Variants in MTF2 observed in about 807,000 individuals in gnomAD.
MTF2 encodes the protein metal response element binding transcription factor 2.
In MTF2, 11 loss-of-function variants were observed where a neutral mutation model predicts 79.5. That is an observed-to-expected ratio of 0.14 (90% CI 0.09 to 0.23). MTF2 has a LOEUF of 0.23. Among genes scored for constraint, MTF2 ranks in the 10% least tolerant of loss-of-function variants. The pLI is 1.00. For missense variants in MTF2, 486 were observed against 711.2 expected, an observed-to-expected ratio of 0.68 and a Z score of 3.60; for synonymous variants, 208 against 232.8, an observed-to-expected ratio of 0.89 and a Z score of 0.97.
At chr1:93,087,326 C>A (rs1210899575) in intron 1 of MTF2, among the ~76,000 whole-genome samples, 1 of 152,130 alleles carries the variant, frequency 6.6e-6, no homozygotes, top group Non-Finnish European at 1.5e-5. Flanking sequence ...AATCCCAGCA[C>A]TTTGGGAGGC....
intron 1 of MTF2, among the ~76,000 whole-genome samples, chr1:93,103,980 C>T (rs933488020): frequency 8.6e-5 from 13 of 152,028 alleles, no homozygotes; most frequent in African/African-American, 1.2e-4. Flanking sequence ...TACAGGTTGT[C>T]TAGGCTGGAG....
chr1:93,113,106 G>A (rs1264845937), intron 3 of MTF2, among the ~76,000 whole-genome samples: 6 of 151,996 alleles, frequency 3.9e-5, no homozygotes, highest in African/African-American at 7.3e-5. Context: ...ACAGCTGGGC[G>A]CAGTGCCTTA....
chr1:93,088,349 CCTTT>C (rs1334848966), intron 1 of MTF2, among the ~76,000 whole-genome samples: 3 of 151,932 alleles, frequency 2.0e-5, no homozygotes, highest in African/African-American at 7.3e-5. Context: ...CTGTAGTTAA[CCTTT>C]CTTTATTATT....
intron 9 of MTF2, among the ~76,000 whole-genome samples, chr1:93,123,715 C>T (rs1656578291): frequency 6.6e-6 from 1 of 150,852 alleles, no homozygotes; most frequent in East Asian, 1.9e-4. Flanking sequence ...TAATTACTTG[C>T]TGTAATCTTA....
At chr1:93,104,697 TAGATAA>T (rs1298416870) in intron 1 of MTF2, among the ~76,000 whole-genome samples, 1 of 134,232 alleles carries the variant, frequency 7.4e-6, no homozygotes, top group Non-Finnish European at 1.6e-5. Context: ...AAAAAAAAAG[TAGATAA>T]AGATGAAAAG....
intron 1 of MTF2, among the ~76,000 whole-genome samples, chr1:93,094,458 A>G (rs548751): frequency 0.8 from 122,012 of 152,118 alleles, 51,661 homozygotes; most frequent in East Asian, 0.93. Flanking sequence ...AGTTTAATTT[A>G]CTAGTTTTAA....
intron 1 of MTF2, among the ~76,000 whole-genome samples, chr1:93,089,037 C>T (rs1654966951): frequency 6.6e-6 from 1 of 151,988 alleles, no homozygotes; most frequent in Non-Finnish European, 1.5e-5. Context: ...AAAATATTTT[C>T]TGTAATTTCA....
At chr1:93,121,588 A>C in intron 9 of MTF2, 3 of 977,468 alleles carry the variant, frequency 3.1e-6, no homozygotes, top group Non-Finnish European at 3.6e-6. Flanking sequence ...GGTTTATGGG[A>C]TATCAGGGAG....
intron 8 of MTF2, 100 bp downstream of exon 8, chr1:93,119,501 GT>G: frequency 1.2e-6 from 1 of 825,124 alleles, no homozygotes; most frequent in Non-Finnish European, 1.9e-6. Context: ...GTAAAAATAG[GT>G]TATTTATGCT....
At chr1:93,110,989 G>A (rs901313251) in intron 3 of MTF2, among the ~76,000 whole-genome samples, 4 of 152,022 alleles carry the variant, frequency 2.6e-5, no homozygotes, top group Non-Finnish European at 4.4e-5. Flanking sequence ...AGATGATTTG[G>A]GAAATTAGGA....
chr1:93,104,958 C>T (rs1372492578), intron 1 of MTF2, among the ~76,000 whole-genome samples: 3 of 151,796 alleles, frequency 2.0e-5, no homozygotes, highest in African/African-American at 7.3e-5. Context: ...AGATCGAGAC[C>T]AAGGTGAAAC....
At chr1:93,134,298 A>G (rs1647283169) in intron 14 of MTF2, 103 bp downstream of exon 14, 5 of 806,116 alleles carry the variant, frequency 6.2e-6, no homozygotes, top group Admixed American at 2.7e-5. Context: ...AAGTGATGTA[A>G]GTTGTGTCTA....
intron 1 of MTF2, among the ~76,000 whole-genome samples, chr1:93,083,519 C>T (rs1483410171): frequency 2.0e-5 from 3 of 152,112 alleles, no homozygotes; most frequent in Non-Finnish European, 4.4e-5. Flanking sequence ...AGTAATGCTG[C>T]AGTGATCATT....
chr1:93,131,096 A>G (rs1268418077), intron 11 of MTF2, among the ~76,000 whole-genome samples: 1 of 152,102 alleles, frequency 6.6e-6, no homozygotes, highest in African/African-American at 2.4e-5. Context: ...GAATGAGTGA[A>G]ATTACCAAGG....
At chr1:93,080,497 T>C (rs989673153) in intron 1 of MTF2, among the ~76,000 whole-genome samples, 2 of 152,230 alleles carry the variant, frequency 1.3e-5, no homozygotes, top group Admixed American at 1.3e-4. Flanking sequence ...CTTTAAAACA[T>C]TTAACTTTGG....
intron 1 of MTF2, among the ~76,000 whole-genome samples, chr1:93,098,690 G>T (rs1655399425): frequency 6.6e-6 from 1 of 152,100 alleles, no homozygotes; most frequent in Non-Finnish European, 1.5e-5. Context: ...TATATATGTT[G>T]GTTGTTTATA....
At chr1:93,107,357 T>G (rs1397837695) in intron 1 of MTF2, among the ~76,000 whole-genome samples, 1 of 152,166 alleles carries the variant, frequency 6.6e-6, no homozygotes, top group Non-Finnish European at 1.5e-5. Flanking sequence ...CCCGAGTAGC[T>G]GGGATTACAG....
At position 93,119,275 on chromosome 1, in the gene MTF2, TGTTA is replaced by T. The variant is rs1264676787; in HGVS notation, c.729-54_729-51del. On this transcript the variant is annotated intron_variant, in intron 7 of 14. Coordinates refer to ENST00000370298, the MANE Select transcript of MTF2 (RefSeq NM_007358.4). Reference sequence around the variant, plus strand: ...TCACTTGGTGAATATTAGCTATAATTGTTAGTTTATCTCTGATGACTCAGTATAA... The same window carrying T: ...TCACTTGGTGAATATTAGCTATAATTGTTTATCTCTGATGACTCAGTATAA... 2.4e-5 allele frequency: 29 copies of T among 1,207,690 alleles called. No individual in the cohort carries two copies. In the Admixed American group the frequency reaches 2.9e-4, roughly 12 times the overall value. The allele number at this position is 1,207,690 out of a possible 1,614,324, so 74.8% of individuals were successfully genotyped here.
intron 9 of MTF2, among the ~76,000 whole-genome samples, chr1:93,125,499 C>A (rs1303299148): frequency 6.6e-6 from 1 of 151,838 alleles, no homozygotes; most frequent in African/African-American, 2.4e-5. Context: ...TATGGAGGGC[C>A]ATAGGGGTTC....
Sources: gnomAD v4.1 joint callset for allele counts (sites outside exome capture counted in the v4.1 genomes callset) on GRCh38, gnomAD v4.1.1 for gene constraint, MANE v1.5 for transcripts, NCBI Gene and HGNC (gene_info 2026-07-23, HGNC 2026-07-21) for gene names.